Variants in DNASE1L3 observed in about 807,000 individuals in gnomAD.
DNASE1L3 encodes the protein deoxyribonuclease 1L3, also known as deoxyribonuclease gamma.
Under a neutral mutation model 30.9 loss-of-function variants are expected in DNASE1L3, and 27 were observed. The observed-to-expected ratio is 0.87, with a 90% CI of 0.64 to 1.20. The LOEUF is 1.20. Ranked by LOEUF, DNASE1L3 falls within the 50% of genes most tolerant of loss-of-function variation. The probability of loss-of-function intolerance (pLI) is 0.00; values close to 1 mark genes in which losing one functional copy is unlikely to be tolerated. For missense variants in DNASE1L3, 364 were observed against 378.2 expected (o/e 0.96, Z 0.31); for synonymous variants, 135 against 138.0 (o/e 0.98, Z 0.15).
intron 4 of DNASE1L3, among the ~76,000 whole-genome samples, chr3:58,202,331 T>G (rs1174452182): frequency 6.6e-4 from 94 of 142,772 alleles, no homozygotes; most frequent in Admixed American, 4.7e-3. Flanking sequence ...TTTTTTTTTT[T>G]TTTTTTTTTT....
chr3:58,200,943 G>A lies in DNASE1L3; in HGVS notation c.546+54C>T. 6.7e-7 allele frequency: 1 copy of A among 1,489,612 alleles called. No individual in the cohort carries two copies. The highest frequency in any genetic ancestry group is 9.3e-7 in the Non-Finnish European group (1 of 1,078,730). 92.3% of individuals were successfully genotyped at this position (1,489,612 alleles called of 1,614,324 possible). On this transcript the variant is annotated intron_variant, in intron 5 of 7. Transcript: ENST00000394549. This position sits in a 1 kb window ranked among gnomAD's most constrained non-coding sequence, Gnocchi z 4.2. ...CTGGAGAGGTACTCATCCCACTCAGGGACCAGAGCCTGCCCCTGCTAGATG... is the reference window on the plus strand; with the variant it reads ...CTGGAGAGGTACTCATCCCACTCAGAGACCAGAGCCTGCCCCTGCTAGATG...
Position 58,204,882 on chromosome 3 carries a change from C to G in DNASE1L3, c.321-1G>C. The G allele has an allele frequency of 6.2e-7, 1 of 1,613,734 alleles. No homozygotes were observed. Among genetic ancestry groups the G allele is most frequent in the Non-Finnish European group, 8.5e-7 (1 of 1,179,716 alleles). The stretch of plus-strand genomic sequence containing the variant: ...CCTCTTCACAGACACCAGCTTTTCC[C>G]TATAAGAAGGAAAAGGAAGTCCTCC... On this transcript the variant is annotated splice_acceptor_variant, in intron 3 of 7. Transcript: ENST00000394549. LOFTEE classifies it high-confidence loss of function.
At position 58,197,217 on chromosome 3, in the gene DNASE1L3, G is replaced by A. The variant is rs1477984606; in HGVS notation, c.704+604C>T. 1.3e-5 allele frequency among the ~76,000 whole-genome samples: 2 copies of A among 152,188 alleles called. No homozygotes were observed. The highest frequency in any genetic ancestry group is 2.9e-5 in the Non-Finnish European group (2 of 68,040). ...CTAGGATAACTTCCATTTTACAGGG[G>A]AGGAAATGAAAGACACAGAGAGCTT... On this transcript the variant is annotated intron_variant, in intron 6 of 7. Coordinates refer to ENST00000394549, the MANE Select transcript of DNASE1L3 (RefSeq NM_004944.4). The surrounding 1 kb of genome is among the most constrained non-coding windows in gnomAD (Gnocchi z 5.3).
intron 1 of DNASE1L3, 46 bp downstream of exon 1, chr3:58,210,720 G>T: frequency 6.2e-7 from 1 of 1,612,912 alleles, no homozygotes; most frequent in Non-Finnish European, 8.5e-7. Flanking sequence ...ACAGGAGAGA[G>T]GGTGTGAGGG....
At chr3:58,208,055 A>AGTTCTCAG in intron 2 of DNASE1L3, 163 bp downstream of exon 2, 1 of 569,988 alleles carries the variant, frequency 1.8e-6, no homozygotes, top group South Asian at 2.9e-5. Context: ...ACTGGTTGAA[A>AGTTCTCAG]GTTCTCAGGA....
chr3:58,199,889 G>A (rs1184785922), intron 5 of DNASE1L3, among the ~76,000 whole-genome samples: 1 of 152,130 alleles, frequency 6.6e-6, no homozygotes, highest in African/African-American at 2.4e-5. Context: ...TCTTTTCCAT[G>A]CCCCAGCTCT....
intron 6 of DNASE1L3, among the ~76,000 whole-genome samples, chr3:58,195,290 T>C (rs1318844703): frequency 6.6e-6 from 1 of 152,238 alleles, no homozygotes; most frequent in East Asian, 1.9e-4. Flanking sequence ...TTTTACTTTT[T>C]ATTTTATTGT....
At position 58,193,428 on chromosome 3, in the gene DNASE1L3, C is replaced by T; in HGVS notation, c.716G>A (p.Arg239Lys). The change falls in exon 7 of 8, where the codon AGA (arginine) becomes AAA (lysine). Residue 239 changes from arginine (R) to lysine (K), a missense_variant. By Grantham distance (26) the Arg-to-Lys change is conservative. Coordinates refer to ENST00000394549, the MANE Select transcript of DNASE1L3 (RefSeq NM_004944.4). Reference sequence around the variant, plus strand: ...AACAGAACTGACGATTTCTTGTCCTCTAAGCACAATCCTGGAACAAGGGGA... The same window carrying T: ...AACAGAACTGACGATTTCTTGTCCTTTAAGCACAATCCTGGAACAAGGGGA... ...TNCAYDRIVL[R>K]GQEIVSSVVP... 1.2e-6 allele frequency: 2 copies of T among 1,612,992 alleles called. No homozygotes were observed. The highest frequency in any genetic ancestry group is 1.1e-5 in the South Asian group (1 of 90,978).
chr3:58,202,390 C>G (rs558066603), intron 4 of DNASE1L3, among the ~76,000 whole-genome samples: 51 of 137,348 alleles, frequency 3.7e-4, no homozygotes, highest in African/African-American at 1.3e-3. Flanking sequence ...CTCAAACTCC[C>G]AACCTCAGGT....
intron 1 of DNASE1L3, among the ~76,000 whole-genome samples, 187 bp downstream of exon 1, chr3:58,210,579 C>T (rs2097407082): frequency 6.6e-6 from 1 of 152,206 alleles, no homozygotes; most frequent in East Asian, 1.9e-4. Flanking sequence ...TGGAGGGAAC[C>T]ATTGTTATCA....
At chr3:58,206,030 A>G (rs1207159017) in intron 2 of DNASE1L3, among the ~76,000 whole-genome samples, 1 of 152,240 alleles carries the variant, frequency 6.6e-6, no homozygotes, top group African/African-American at 2.4e-5. Flanking sequence ...ACTCCTGAGC[A>G]TTTATGATAA....
rs542136539 is a variant in DNASE1L3, at chr3:58,196,883, A to G, written c.704+938T>C. ...GCATTGCATTTAGGAATATGTAGCT[A>G]AAGCTTTAAAAATATAAATACCGTT... On this transcript the variant is annotated intron_variant, in intron 6 of 7. Coordinates refer to ENST00000394549, the MANE Select transcript of DNASE1L3 (RefSeq NM_004944.4). Among the ~76,000 whole-genome samples the G allele has an allele frequency of 1.4e-4, 22 of 152,380 alleles. No homozygotes were observed. In the South Asian group the frequency reaches 4.6e-3, roughly 32 times the overall value.
chr3:58,192,856 GC>G lies in DNASE1L3; in HGVS notation c.802-54del. 3 of 1,593,996 alleles carry G rather than the reference GC, an allele frequency of 1.9e-6. No homozygotes were observed. Among genetic ancestry groups the G allele is most frequent in the Non-Finnish European group, 1.7e-6 (2 of 1,173,314 alleles). ...GGAAATTAGGAGATGCCTGGGAGAT[GC>G]TTTCATTTTAGCGATGAGCAAATTT... On this transcript the variant is annotated intron_variant, in intron 7 of 7. Transcript: ENST00000394549. The surrounding 1 kb of genome is among the most constrained non-coding windows in gnomAD (Gnocchi z 4.8).
In DNASE1L3 at chr3:58,205,375, A is replaced by G. The variant is rs2097403217; in HGVS notation, c.320+96T>C. The G allele has an allele frequency of 6.4e-6, 7 of 1,088,434 alleles. No individual in the cohort carries two copies. The Admixed American group carries it at 1.2e-4, about 19-fold the overall frequency. The allele number at this position is 1,088,434 out of a possible 1,614,324, so 67.4% of individuals were successfully genotyped here. A position where few individuals can be genotyped will look rare whatever the true frequency, so the allele number is the denominator to read the frequency against. On this transcript the variant is annotated intron_variant, in intron 3 of 7. Coordinates refer to ENST00000394549, the MANE Select transcript of DNASE1L3 (RefSeq NM_004944.4). ...TTTTGATGAACACTGAGAATTGGTT[A>G]GAAATCAAAATTTGGTTTTGAAGAA...
chr3:58,198,015 G>A (rs555346678), intron 5 of DNASE1L3, 37 bp from the exon 6 acceptor site: 3 of 1,576,382 alleles, frequency 1.9e-6, no homozygotes. Flanking sequence ...CCTGGTGGGT[G>A]CTGCTGCAGA....
At chr3:58,193,176 A>G in intron 7 of DNASE1L3, 167 bp downstream of exon 7, 1 of 1,440,210 alleles carries the variant, frequency 6.9e-7, no homozygotes, top group Admixed American at 2.3e-5. Context: ...TCCTGGACTC[A>G]AGTGATCCTC....
chr3:58,204,901 G>C lies in DNASE1L3; in HGVS notation c.321-20C>G, dbSNP rs2107378272. 2 of 1,610,814 alleles carry C rather than the reference G, an allele frequency of 1.2e-6. No homozygotes were observed. The highest frequency in any genetic ancestry group is 1.7e-6 in the Non-Finnish European group (2 of 1,177,178). On this transcript the variant is annotated intron_variant, in intron 3 of 7. Coordinates refer to ENST00000394549, the MANE Select transcript of DNASE1L3 (RefSeq NM_004944.4). ...TTTTCCCTATAAGAAGGAAAAGGAA[G>C]TCCTCCCAGCTGAGTCAGCCCTTTT...
intron 5 of DNASE1L3, 78 bp from the exon 6 acceptor site, chr3:58,198,056 C>T (rs747203587): frequency 1.3e-6 from 2 of 1,482,664 alleles, no homozygotes; most frequent in Non-Finnish European, 1.8e-6. Flanking sequence ...AGCAAAGACT[C>T]TGCGTCCCAG....
chr3:58,195,492 G>A (rs2097396653), intron 6 of DNASE1L3, among the ~76,000 whole-genome samples: 1 of 151,886 alleles, frequency 6.6e-6, no homozygotes, highest in Admixed American at 6.6e-5. Flanking sequence ...AAGAGGCCGG[G>A]CATGGTGGCT....
Sources: gnomAD v4.1 joint callset for allele counts (sites outside exome capture counted in the v4.1 genomes callset) on GRCh38, gnomAD v4.1.1 for gene constraint, Gnocchi (gnomAD v3.1) non-coding constraint, MANE v1.5 for transcripts, NCBI Gene and HGNC (gene_info 2026-07-23, HGNC 2026-07-21) for gene names.